SHISA9: variants seen among roughly 807,000 people sequenced by gnomAD.
SHISA9 encodes the protein shisa family member 9, also known as protein shisa-9.
SHISA9 carries 13 observed loss-of-function variants against 38.0 expected under a neutral mutation model. The ratio of observed to expected loss-of-function variants is 0.34; its 90% CI spans 0.22 to 0.54. The LOEUF (loss-of-function observed/expected upper bound fraction) is 0.54. Among genes scored for constraint, SHISA9 ranks in the 20% least tolerant of loss-of-function variants. The pLI is 0.91. For missense variants in SHISA9, 538 were observed against 575.8 expected, an observed-to-expected ratio of 0.93 and a Z score of 0.67; for synonymous variants, 275 against 242.0, an observed-to-expected ratio of 1.14 and a Z score of -1.27.
chr16:13,226,557 G>T (rs2051281546), intron 4 of SHISA9, among the ~76,000 whole-genome samples: 1 of 152,320 alleles, frequency 6.6e-6, no homozygotes, highest in South Asian at 2.1e-4. Context: ...TGCAAATGCT[G>T]TCATGTATCA....
chr16:13,451,565 C>T, the SHISA9 span, among the ~76,000 whole-genome samples: 1 of 152,132 alleles, frequency 6.6e-6, no homozygotes, highest in Non-Finnish European at 1.5e-5. Flanking sequence ...TGAAAAGTGG[C>T]CTTCAAACTG....
At chr16:13,422,422 G>T in the SHISA9 span, among the ~76,000 whole-genome samples, 1 of 152,116 alleles carries the variant, frequency 6.6e-6, no homozygotes. Context: ...TAGGCTGGGC[G>T]TGGTGGCTCA....
At chr16:13,062,368 C>A (rs2073386453) in intron 2 of SHISA9, among the ~76,000 whole-genome samples, 3 of 152,094 alleles carry the variant, frequency 2.0e-5, no homozygotes, top group Admixed American at 2.0e-4. Context: ...TTTGTACCTG[C>A]AGTTTTCGCA....
intron 2 of SHISA9, among the ~76,000 whole-genome samples, chr16:13,181,300 T>G (rs2050776235): frequency 7.3e-5 from 3 of 40,984 alleles, no homozygotes; most frequent in African/African-American, 4.5e-4. Context: ...TATATATATA[T>G]ATATATATAT....
intron 2 of SHISA9, among the ~76,000 whole-genome samples, chr16:12,919,881 T>C (rs1009227332): frequency 2.6e-5 from 4 of 152,218 alleles, no homozygotes; most frequent in African/African-American, 7.2e-5. Context: ...TCCTGTGAGA[T>C]GGTGATTTTC....
chr16:13,156,293 A>C (rs567812747), intron 2 of SHISA9, among the ~76,000 whole-genome samples: 7 of 152,320 alleles, frequency 4.6e-5, no homozygotes, highest in Admixed American at 4.6e-4. Context: ...GGATTAAATG[A>C]GGTGGTACTT....
At chr16:13,313,975 C>G in the SHISA9 span, among the ~76,000 whole-genome samples, 1 of 152,094 alleles carries the variant, frequency 6.6e-6, no homozygotes, top group Non-Finnish European at 1.5e-5. Context: ...AGATAGGTAT[C>G]AAAAAGGAAG....
chr16:13,425,925 A>G, the SHISA9 span, among the ~76,000 whole-genome samples: 1 of 152,144 alleles, frequency 6.6e-6, no homozygotes, highest in African/African-American at 2.4e-5. Flanking sequence ...GCAAGCCTAG[A>G]TGGAGTTCTT....
Position 13,219,021 on chromosome 16 carries a change from G to GT in SHISA9, c.895+5727dup, listed in dbSNP as rs60405496. On this transcript the variant is annotated intron_variant, in intron 4 of 4. Transcript: ENST00000558583. ...AGACAGGAGGGTGATGTGAGGTGAA[G>GT]TTTTTTAATAAAAATCAAATCCTAC... Among the ~76,000 whole-genome samples, 387 of 152,274 alleles carry GT rather than the reference G, an allele frequency of 2.5e-3. 4 individuals carry two copies. The highest frequency in any genetic ancestry group is 8.9e-3 in the African/African-American group (368 of 41,568).
chr16:13,326,911 A>G, the SHISA9 span, among the ~76,000 whole-genome samples: 3 of 152,096 alleles, frequency 2.0e-5, no homozygotes, highest in Non-Finnish European at 4.4e-5. Context: ...GTGCCTTATT[A>G]TCAGTAACTC....
chr16:13,502,767 C>T, the SHISA9 span, among the ~76,000 whole-genome samples: 3 of 152,064 alleles, frequency 2.0e-5, no homozygotes, highest in East Asian at 5.8e-4. Context: ...ATCCCAGCTA[C>T]TCGGGAGGCT....
chr16:12,976,469 T>C (rs2072163246), intron 2 of SHISA9, among the ~76,000 whole-genome samples: 2 of 152,168 alleles, frequency 1.3e-5, no homozygotes, highest in African/African-American at 4.8e-5. Flanking sequence ...GTGCATCATC[T>C]TTAGCTTGAA....
intron 2 of SHISA9, among the ~76,000 whole-genome samples, chr16:13,115,195 T>C (rs1442725065): frequency 6.6e-6 from 1 of 152,176 alleles, no homozygotes; most frequent in East Asian, 1.9e-4. Context: ...CCCATATTGC[T>C]GAGACCAGCT....
chr16:13,117,875 A>T (rs2074046054), intron 2 of SHISA9, among the ~76,000 whole-genome samples: 1 of 152,136 alleles, frequency 6.6e-6, no homozygotes, highest in African/African-American at 2.4e-5. Flanking sequence ...GTGCTTACTG[A>T]AATGCCCTTA....
At chr16:13,454,375 C>G in the SHISA9 span, among the ~76,000 whole-genome samples, 5 of 152,142 alleles carry the variant, frequency 3.3e-5, no homozygotes, top group Non-Finnish European at 7.3e-5. Flanking sequence ...TTTGCCTTCA[C>G]TGACACCTCT....
At chr16:12,905,575 G>C (rs895865899) in intron 1 of SHISA9, among the ~76,000 whole-genome samples, 1 of 150,998 alleles carries the variant, frequency 6.6e-6, no homozygotes, top group African/African-American at 2.4e-5. Flanking sequence ...GAGCCACTGT[G>C]AATCTCTTAT....
chr16:12,963,824 C>G (rs989515305), intron 2 of SHISA9, among the ~76,000 whole-genome samples: 1 of 152,106 alleles, frequency 6.6e-6, no homozygotes, highest in African/African-American at 2.4e-5. Flanking sequence ...AATTTAGCCC[C>G]GAGTTAGCTT....
chr16:13,378,203 C>T, the SHISA9 span, among the ~76,000 whole-genome samples: 3 of 152,210 alleles, frequency 2.0e-5, no homozygotes, highest in African/African-American at 7.2e-5. Flanking sequence ...GACCCACATA[C>T]TTGAATGGTT....
chr16:13,359,429 G>A, the SHISA9 span, among the ~76,000 whole-genome samples: 3 of 152,220 alleles, frequency 2.0e-5, no homozygotes, highest in Non-Finnish European at 4.4e-5. Flanking sequence ...GTTGCAGAGA[G>A]CAGAGATCAT....
Sources: gnomAD v4.1 joint callset for allele counts (sites outside exome capture counted in the v4.1 genomes callset) on GRCh38, gnomAD v4.1.1 for gene constraint, MANE v1.5 for transcripts, NCBI Gene and HGNC (gene_info 2026-07-23, HGNC 2026-07-21) for gene names.